Variants in ERICH2 observed in about 807,000 individuals in gnomAD.
ERICH2 encodes the protein glutamate rich 2, also known as glutamate-rich protein 2.
A neutral mutation model predicts 17.4 loss-of-function variants in ERICH2; 17 were observed. That is an observed-to-expected ratio of 0.98 (90% confidence interval 0.67 to 1.47). The LOEUF (loss-of-function observed/expected upper bound fraction) is 1.47, where lower values mean the gene tolerates loss of function less well. ERICH2 is among the 40% of genes most tolerant of loss of function. ERICH2 has a pLI of 0.00. For synonymous variants in ERICH2, 51 were observed against 61.1 expected, an observed-to-expected ratio of 0.83 and a Z score of 0.77; for missense variants, 186 against 183.2, an observed-to-expected ratio of 1.01 and a Z score of -0.09.
At chr2:170,786,202 A>G (rs905515174) in intron 2 of ERICH2, among the ~76,000 whole-genome samples, 1 of 152,098 alleles carries the variant, frequency 6.6e-6, no homozygotes, top group East Asian at 1.9e-4. Flanking sequence ...TATTTCTTAT[A>G]ATGCAGTTCT....
At chr2:170,783,718 A>T, upstream of ERICH2, 1 of 1,405,206 alleles carries the variant, frequency 7.1e-7, no homozygotes, top group Non-Finnish European at 9.8e-7. Context: ...TAAATGAGAC[A>T]GTTCCTGTGA....
chr2:170,798,058 G>C, exon 4 of ERICH2: 1 of 1,549,194 alleles, frequency 6.5e-7, no homozygotes, highest in Admixed American at 2.0e-5. Flanking sequence ...CTATGAACCA[G>C]AAAATCCTGA....
upstream of ERICH2, among the ~76,000 whole-genome samples, chr2:170,779,612 G>T (rs904891603): frequency 6.6e-6 from 1 of 151,798 alleles, no homozygotes; most frequent in African/African-American, 2.4e-5. Flanking sequence ...GGATTTTTTG[G>T]TCAAGCTTTC....
At chr2:170,797,944 C>T (rs983293699) in intron 3 of ERICH2, 97 bp from the exon 9 acceptor site, 6 of 773,078 alleles carry the variant, frequency 7.8e-6, no homozygotes, top group Non-Finnish European at 1.3e-5. Context: ...TGCCTTTCAC[C>T]TGCTCTGACT....
chr2:170,789,689 T>A (rs1342755698), intron 2 of ERICH2, among the ~76,000 whole-genome samples: 1 of 152,208 alleles, frequency 6.6e-6, no homozygotes, highest in Admixed American at 6.5e-5. Flanking sequence ...TTAAAGGAAA[T>A]ATATTTTATG....
chr2:170,770,473 T>C, the ERICH2 span, among the ~76,000 whole-genome samples: 5 of 152,268 alleles, frequency 3.3e-5, no homozygotes, highest in South Asian at 8.3e-4. Context: ...ATCTGACTTC[T>C]GGGAAAACTG....
At chr2:170,782,279 C>G (rs1418854901), upstream of ERICH2, 16 of 951,380 alleles carry the variant, frequency 1.7e-5, no homozygotes, top group Non-Finnish European at 2.0e-5. Flanking sequence ...AATAAAGTCT[C>G]TTTACAGACT....
chr2:170,776,669 C>T, the ERICH2 span, among the ~76,000 whole-genome samples: 4 of 152,062 alleles, frequency 2.6e-5, no homozygotes, highest in African/African-American at 9.7e-5. Flanking sequence ...TGAGCCACCG[C>T]GCCCGGCCTT....
intron 2 of ERICH2, among the ~76,000 whole-genome samples, chr2:170,787,358 C>T (rs1169156281): frequency 6.6e-6 from 1 of 152,174 alleles, no homozygotes; most frequent in East Asian, 1.9e-4. Flanking sequence ...AAGCAGGTAT[C>T]TCTTTGACCC....
chr2:170,783,556 AT>A (rs1701078904), upstream of ERICH2, among the ~76,000 whole-genome samples: 1 of 152,222 alleles, frequency 6.6e-6, no homozygotes, highest in South Asian at 2.1e-4. Context: ...CTCCAAAAAA[AT>A]AAATAAATAA....
At chr2:170,787,964 G>T (rs756698293) in intron 2 of ERICH2, among the ~76,000 whole-genome samples, 40 of 152,106 alleles carry the variant, frequency 2.6e-4, no homozygotes, top group Non-Finnish European at 5.3e-4. Flanking sequence ...CAGTAAGTCT[G>T]CTCTCTATTA....
chr2:170,782,384 G>A (rs565227027), upstream of ERICH2: 137 of 983,690 alleles, frequency 1.4e-4, 1 homozygote, highest in African/African-American at 2.2e-3. Flanking sequence ...TTAAAAGAAA[G>A]CACAGGTAAT....
At chr2:170,792,326 G>C (rs1701308522) in intron 2 of ERICH2, among the ~76,000 whole-genome samples, 1 of 151,864 alleles carries the variant, frequency 6.6e-6, no homozygotes, top group Non-Finnish European at 1.5e-5. Flanking sequence ...TTCTTAATTG[G>C]GGACAGAATG....
At chr2:170,781,919 T>C (rs1701038991), upstream of ERICH2, among the ~76,000 whole-genome samples, 1 of 152,218 alleles carries the variant, frequency 6.6e-6, no homozygotes, top group South Asian at 2.1e-4. Flanking sequence ...AACTCAAGGC[T>C]AATTTTCTTA....
intron 2 of ERICH2, among the ~76,000 whole-genome samples, chr2:170,789,070 C>T (rs1169203709): frequency 2.6e-5 from 4 of 151,952 alleles, no homozygotes; most frequent in East Asian, 3.9e-4. Context: ...AAGTGATTCT[C>T]GTGCCTCAGC....
intron 3 of ERICH2, among the ~76,000 whole-genome samples, chr2:170,793,595 G>A (rs1244196938): frequency 1.3e-5 from 2 of 152,172 alleles, no homozygotes; most frequent in Non-Finnish European, 2.9e-5. Context: ...GTGCCTGAAA[G>A]GAATAGTGAG....
At chr2:170,776,453 C>G in the ERICH2 span, among the ~76,000 whole-genome samples, 1 of 152,202 alleles carries the variant, frequency 6.6e-6, no homozygotes, top group African/African-American at 2.4e-5. Flanking sequence ...TCTCGGCTCA[C>G]TGCAACTTCC....
At chr2:170,781,631 TAAAAA>T (rs59729388), upstream of ERICH2, among the ~76,000 whole-genome samples, 1 of 127,144 alleles carries the variant, frequency 7.9e-6, no homozygotes. Flanking sequence ...AGACTTGGTC[TAAAAA>T]AAAAAAAAAA....
chr2:170,798,620 C>A, intron 4 of ERICH2, 150 bp from the exon 10 acceptor site: 2 of 741,906 alleles, frequency 2.7e-6, no homozygotes, highest in Non-Finnish European at 4.2e-6. Context: ...TTTGTACTAC[C>A]ATTTGACCCT....
Sources: allele counts gnomAD v4.1 joint callset (sites outside exome capture counted in the v4.1 genomes callset), GRCh38; gene constraint gnomAD v4.1.1; transcripts MANE v1.5; gene names NCBI Gene and HGNC (gene_info 2026-07-23, HGNC 2026-07-21).